Variants in DLGAP4 observed in about 807,000 individuals in gnomAD.
The protein encoded by DLGAP4 is DLG associated protein 4, also known as disks large-associated protein 4.
In DLGAP4, 18 loss-of-function variants were observed where a neutral mutation model predicts 86.9. The observed-to-expected ratio is 0.21, with a 90% CI of 0.14 to 0.31. The LOEUF is 0.31. Ranked by LOEUF, DLGAP4 falls within the 10% of genes least tolerant of loss-of-function variation. The pLI, the probability that DLGAP4 is intolerant of heterozygous loss-of-function variation, is 1.00. For missense variants in DLGAP4, 1,085 were observed against 1,362.6 expected (o/e 0.80, Z 3.21); for synonymous variants, 548 against 574.3 (o/e 0.95, Z 0.65).
Position 36,480,143 on chromosome 20 carries a change from G to A in DLGAP4, c.1649-16562G>A, listed in dbSNP as rs548882735. 9.2e-5 allele frequency among the ~76,000 whole-genome samples: 14 copies of A among 152,260 alleles called. No homozygotes were observed. The South Asian group carries it at 2.9e-3, about 32-fold the overall frequency. On this transcript the variant is annotated intron_variant, in intron 7 of 12. Coordinates refer to ENST00000339266, the MANE Select transcript of DLGAP4 (RefSeq NM_001365621.2). ...TACACTGAATGAAGGCTGATTCCAG[G>A]GATTCCTAACCTACTGGCAGTTTCT... is the stretch of plus-strand genomic sequence containing the variant.
intron 7 of DLGAP4, among the ~76,000 whole-genome samples, chr20:36,449,090 G>A (rs1038601074): frequency 6.6e-6 from 1 of 152,192 alleles, no homozygotes; most frequent in Non-Finnish European, 1.5e-5. Flanking sequence ...AGCCAGGGAG[G>A]TGTCGTCTGG....
chr20:36,462,156 T>G, intron 7 of DLGAP4: 1 of 1,036,566 alleles, frequency 9.6e-7, no homozygotes, highest in Non-Finnish European at 1.2e-6. Context: ...GTTCCCCATA[T>G]CCACTGGGAG....
intron 2 of DLGAP4, among the ~76,000 whole-genome samples, chr20:36,413,947 C>T (rs2032580228): frequency 6.6e-6 from 1 of 152,180 alleles, no homozygotes; most frequent in South Asian, 2.1e-4. Context: ...CATAGGGTCA[C>T]ACCATGGGGA....
At chr20:36,506,761 C>G (rs1050497533) in intron 10 of DLGAP4, among the ~76,000 whole-genome samples, 3 of 152,218 alleles carry the variant, frequency 2.0e-5, no homozygotes, top group Non-Finnish European at 1.5e-5. Context: ...CACCGTCCAT[C>G]TCTAGAACTT....
chr20:36,320,931 C>T (rs2065161866), intron 1 of DLGAP4, among the ~76,000 whole-genome samples: 1 of 152,344 alleles, frequency 6.6e-6, no homozygotes, highest in Non-Finnish European at 1.5e-5. Context: ...GTACCCCTTC[C>T]AGGACTCAGC....
In DLGAP4 at chr20:36,500,627, A is replaced by T. The variant is rs2036104117; in HGVS notation, c.2512+16A>T. On this transcript the variant is annotated intron_variant, in intron 10 of 12. Transcript: ENST00000339266. This position sits in a 1 kb window ranked among gnomAD's most constrained non-coding sequence, Gnocchi z 4.6. ...TCTGAAGAAGGTGGGTGCCACATGG[A>T]TGGTCCTTGGGCAAGGGTAGAAGGT... is the stretch of plus-strand genomic sequence containing the variant. 5 of 1,479,618 alleles carry T rather than the reference A, an allele frequency of 3.4e-6. No individual in the cohort carries two copies. The highest frequency in any genetic ancestry group is 4.5e-6 in the Non-Finnish European group (5 of 1,114,804). The allele number at this position is 1,479,618 out of a possible 1,614,324, so 91.7% of individuals were successfully genotyped here.
intron 2 of DLGAP4, among the ~76,000 whole-genome samples, chr20:36,425,027 T>C (rs745422203): frequency 1.6e-4 from 25 of 152,054 alleles, no homozygotes; most frequent in Non-Finnish European, 3.4e-4. Context: ...TTTATGGTGC[T>C]CACAGGCCAG....
At position 36,449,777 on chromosome 20, in the gene DLGAP4, A is replaced by C. The variant is rs191775229; in HGVS notation, c.1648+2840A>C. On this transcript the variant is annotated intron_variant, in intron 7 of 12. Coordinates refer to ENST00000339266, the MANE Select transcript of DLGAP4 (RefSeq NM_001365621.2). ...GGACTAAAGATAGGGGATGGGCTAC[A>C]TGTCCCAATACTGCCTGGGTCCCTG... Among the ~76,000 whole-genome samples the C allele has an allele frequency of 3.9e-5, 6 of 152,352 alleles. No individual in the cohort carries two copies. In the East Asian group the frequency reaches 1.2e-3, roughly 29 times the overall value.
intron 7 of DLGAP4, among the ~76,000 whole-genome samples, chr20:36,454,435 G>A (rs1048058581): frequency 4.6e-5 from 7 of 151,850 alleles, no homozygotes; most frequent in African/African-American, 1.2e-4. Context: ...GGCTCCCCCC[G>A]ATATGTAGCA....
Position 36,527,133 on chromosome 20 carries a change from T to A in DLGAP4, c.*102T>A. ...CAACCTTTGCTATGGTTATTCTGTC[T>A]AGAGACCCTGAGCCAACTTTCAAAT... On this transcript the variant is annotated 3_prime_UTR_variant, in exon 13 of 13. Transcript: ENST00000339266. The A allele has an allele frequency of 7.9e-7, 1 of 1,267,354 alleles. No individual in the cohort carries two copies. Among genetic ancestry groups the A allele is most frequent in the Non-Finnish European group, 1.1e-6 (1 of 943,880 alleles). The allele number at this position is 1,267,354 out of a possible 1,614,324, so 78.5% of individuals were successfully genotyped here.
intron 7 of DLGAP4, among the ~76,000 whole-genome samples, chr20:36,453,544 G>C (rs1362034450): frequency 6.6e-6 from 1 of 152,008 alleles, no homozygotes; most frequent in East Asian, 1.9e-4. Context: ...GCTGAGGTGG[G>C]ATTTGCTTAA....
chr20:36,500,149 T>C lies in DLGAP4; in HGVS notation c.2100-50T>C. Reference sequence around the variant, plus strand: ...AGGCGGCCTCTGGTCTCTGGCCCTCTTGGTGACTCACTCCTTCCTGTCCCC... The same window carrying C: ...AGGCGGCCTCTGGTCTCTGGCCCTCCTGGTGACTCACTCCTTCCTGTCCCC... On this transcript the variant is annotated intron_variant, in intron 9 of 12. Transcript: ENST00000339266. The surrounding 1 kb of genome is among the most constrained non-coding windows in gnomAD (Gnocchi z 4.6). The C allele has an allele frequency of 6.7e-7, 1 of 1,499,048 alleles. No individual in the cohort carries two copies. Among genetic ancestry groups the C allele is most frequent in the Non-Finnish European group, 8.9e-7 (1 of 1,122,340 alleles). The allele number at this position is 1,499,048 out of a possible 1,614,324, so 92.9% of individuals were successfully genotyped here.
chr20:36,431,223 ACAGAG>A lies in DLGAP4; in HGVS notation c.-72-421_-72-417del, dbSNP rs2033122002. 6.6e-6 allele frequency among the ~76,000 whole-genome samples: 1 copy of A among 152,046 alleles called. No homozygotes were observed. The highest frequency in any genetic ancestry group is 1.5e-5 in the Non-Finnish European group (1 of 68,012). Reference sequence around the variant, plus strand: ...GGGATGACTGTTTGGGGGCCTGTGGACAGAGCTAGGAGATGTGGGCTGGGGTATTT... The same window carrying A: ...GGGATGACTGTTTGGGGGCCTGTGGACTAGGAGATGTGGGCTGGGGTATTT... On this transcript the variant is annotated intron_variant, in intron 2 of 12. Transcript: ENST00000339266. This position sits in a 1 kb window ranked among gnomAD's most constrained non-coding sequence, Gnocchi z 5.1.
intron 2 of DLGAP4, among the ~76,000 whole-genome samples, chr20:36,384,224 A>T (rs1569480684): frequency 6.6e-6 from 1 of 151,966 alleles, no homozygotes; most frequent in Non-Finnish European, 1.5e-5. Flanking sequence ...CTGAAGATAG[A>T]GAGGGTAGAG....
intron 1 of DLGAP4, among the ~76,000 whole-genome samples, chr20:36,347,246 C>A (rs1375709957): frequency 6.6e-6 from 1 of 152,040 alleles, no homozygotes. Context: ...AGAGTGCTGA[C>A]CCCCTATGTC....
At chr20:36,349,177 G>GGGA (rs1271305052) in intron 1 of DLGAP4, among the ~76,000 whole-genome samples, 4 of 149,844 alleles carry the variant, frequency 2.7e-5, no homozygotes, top group South Asian at 2.1e-4. Flanking sequence ...CCAGCACTTT[G>GGGA]GGAGGCTGAG....
chr20:36,446,683 C>T lies in DLGAP4; in HGVS notation c.1408-14C>T. ...AGATAGCCAGCTCCCTCATGCCTGC[C>T]TTTGCCTGGACAGGTACGGGAGGCA... On this transcript the variant is annotated splice_polypyrimidine_tract_variant and intron_variant, in intron 6 of 12. Transcript: ENST00000339266. The T allele has an allele frequency of 6.3e-7, 1 of 1,588,134 alleles. No homozygotes were observed. The highest frequency in any genetic ancestry group is 8.6e-7 in the Non-Finnish European group (1 of 1,161,440).
intron 1 of DLGAP4, among the ~76,000 whole-genome samples, chr20:36,352,364 A>G (rs1196855667): frequency 6.7e-6 from 1 of 149,976 alleles, no homozygotes; most frequent in Non-Finnish European, 1.5e-5. Context: ...CAGTGTGGAG[A>G]CTGGACTGAA....
At chr20:36,456,065 A>G (rs1432059235) in intron 7 of DLGAP4, among the ~76,000 whole-genome samples, 1 of 152,224 alleles carries the variant, frequency 6.6e-6, no homozygotes, top group African/African-American at 2.4e-5. Flanking sequence ...AGGTGCCACC[A>G]TCGATTCGCG....
Sources: allele counts gnomAD v4.1 joint callset (sites outside exome capture counted in the v4.1 genomes callset), GRCh38; gene constraint gnomAD v4.1.1; non-coding constraint Gnocchi (gnomAD v3.1); transcripts MANE v1.5; gene names NCBI Gene and HGNC (gene_info 2026-07-23, HGNC 2026-07-21).